The following CTNNA2 variants were observed in gnomAD, a reference collection of about 807,000 sequenced individuals.
The protein encoded by CTNNA2 is catenin alpha 2, also known as catenin alpha-2.
In CTNNA2, 42 loss-of-function variants were observed where a neutral mutation model predicts 101.0. The observed-to-expected ratio is 0.42, with a 90% CI of 0.32 to 0.54. CTNNA2 has a LOEUF of 0.54. Among genes scored for constraint, CTNNA2 ranks in the 20% least tolerant of loss-of-function variants. CTNNA2 has a pLI of 0.14. For synonymous variants in CTNNA2, 450 were observed against 456.4 expected, an observed-to-expected ratio of 0.99 and a Z score of 0.18; for missense variants, 871 against 1,223.1, an observed-to-expected ratio of 0.71 and a Z score of 4.29.
At chr2:79,840,746 A>T (rs1679731474) in intron 3 of CTNNA2, among the ~76,000 whole-genome samples, 1 of 143,496 alleles carries the variant, frequency 7.0e-6, no homozygotes, top group Non-Finnish European at 1.5e-5. Flanking sequence ...CAGCCCAGGC[A>T]GGACAGCGAG....
chr2:79,590,973 G>A (rs1359002025), intron 1 of CTNNA2, among the ~76,000 whole-genome samples: 1 of 152,160 alleles, frequency 6.6e-6, no homozygotes, highest in African/African-American at 2.4e-5. Flanking sequence ...GAATGGCAGT[G>A]AGGTGTTGTT....
intron 7 of CTNNA2, among the ~76,000 whole-genome samples, chr2:80,314,849 C>T (rs183917550): frequency 6.6e-6 from 1 of 152,332 alleles, no homozygotes; most frequent in African/African-American, 2.4e-5. Context: ...TCATGTCCTT[C>T]AGAGGCAAAT....
intron 7 of CTNNA2, among the ~76,000 whole-genome samples, chr2:80,192,522 T>TC (rs1181944833): frequency 1.3e-5 from 2 of 152,154 alleles, no homozygotes; most frequent in African/African-American, 4.8e-5. Context: ...GTAAAACTTT[T>TC]CTTTTTTTTT....
chr2:80,374,897 C>A (rs956993202), intron 7 of CTNNA2, among the ~76,000 whole-genome samples: 2 of 152,066 alleles, frequency 1.3e-5, no homozygotes, highest in Non-Finnish European at 2.9e-5. Flanking sequence ...AGACACAGTT[C>A]AGCCCACATC....
At chr2:80,466,809 T>G (rs1037009) in intron 9 of CTNNA2, among the ~76,000 whole-genome samples, 9 of 152,020 alleles carry the variant, frequency 5.9e-5, no homozygotes, top group Non-Finnish European at 1.0e-4. Context: ...GATTATAAAT[T>G]TGGGGTTCCC....
At chr2:79,572,704 A>T (rs973888241) in intron 1 of CTNNA2, among the ~76,000 whole-genome samples, 7 of 152,198 alleles carry the variant, frequency 4.6e-5, no homozygotes, top group Admixed American at 6.5e-5. Flanking sequence ...GTGAACCAAG[A>T]TCACGCTGCT....
chr2:79,441,485 G>A (rs1197999013), intron 4 of CTNNA2, among the ~76,000 whole-genome samples: 4 of 152,096 alleles, frequency 2.6e-5, no homozygotes, highest in Non-Finnish European at 5.9e-5. Context: ...AGGGACTGAA[G>A]CATGACACCT....
intron 2 of CTNNA2, among the ~76,000 whole-genome samples, chr2:79,302,821 G>A (rs1016186777): frequency 6.6e-6 from 1 of 152,124 alleles, no homozygotes; most frequent in African/African-American, 2.4e-5. Flanking sequence ...GCCAACATTT[G>A]TTGAACTCTA....
intron 3 of CTNNA2, among the ~76,000 whole-genome samples, chr2:79,793,986 AG>A (rs1287455782): frequency 6.6e-6 from 1 of 151,378 alleles, no homozygotes; most frequent in Non-Finnish European, 1.5e-5. Flanking sequence ...GTGGGAGGAA[AG>A]GGTGGGAAGG....
chr2:79,623,864 A>G (rs1481767969), intron 1 of CTNNA2, among the ~76,000 whole-genome samples: 1 of 152,226 alleles, frequency 6.6e-6, no homozygotes, highest in African/African-American at 2.4e-5. Flanking sequence ...TTCAAATATT[A>G]TAGTAAAATT....
intron 4 of CTNNA2, among the ~76,000 whole-genome samples, chr2:79,863,234 C>T (rs1447635618): frequency 6.6e-6 from 1 of 152,130 alleles, no homozygotes; most frequent in Non-Finnish European, 1.5e-5. Context: ...AGATGGATAA[C>T]AGAATATGCT....
intron 12 of CTNNA2, among the ~76,000 whole-genome samples, chr2:80,565,532 T>C (rs929125846): frequency 2.6e-5 from 4 of 151,946 alleles, no homozygotes; most frequent in Non-Finnish European, 4.4e-5. Flanking sequence ...TTTTTTTTTT[T>C]CCATGGTGAA....
At chr2:79,953,120 G>A (rs2974134) in intron 7 of CTNNA2, among the ~76,000 whole-genome samples, 32,289 of 151,958 alleles carry the variant, frequency 0.21, 3,682 homozygotes, top group Middle Eastern at 0.36. Flanking sequence ...TTCTGCTGAC[G>A]TTCAATTCTC....
intron 3 of CTNNA2, among the ~76,000 whole-genome samples, chr2:79,321,161 T>C (rs1301347226): frequency 6.6e-6 from 1 of 152,182 alleles, no homozygotes. Flanking sequence ...TCACACCAAC[T>C]TTTTGAGTTA....
At chr2:80,188,720 C>T (rs1392769213) in intron 7 of CTNNA2, among the ~76,000 whole-genome samples, 1 of 152,094 alleles carries the variant, frequency 6.6e-6, no homozygotes, top group East Asian at 1.9e-4. Context: ...GAAAGGTTCT[C>T]CACTATCAAA....
rs76764279 is a variant in CTNNA2 at position 80,470,834 on chromosome 2, A to G, written c.1290+51233A>G. 5.7e-3 allele frequency among the ~76,000 whole-genome samples: 870 copies of G among 152,326 alleles called. 8 individuals are homozygous for G. Among genetic ancestry groups the G allele is most frequent in the African/African-American group, 0.02 (826 of 41,570 alleles). On this transcript the variant is annotated intron_variant, in intron 9 of 18. Transcript: ENST00000402739. ...AGTGATAAAGTCATGCACCTAAGCA[A>G]CTGTGTCTGGAGACAGATAAAAAAG...
In CTNNA2 at chr2:80,613,174, A is replaced by G. The variant is rs372154021; in HGVS notation, c.2430+4856A>G. Among the ~76,000 whole-genome samples, 16 of 151,594 alleles carry G rather than the reference A, an allele frequency of 1.1e-4. 1 individual carries two copies. The East Asian group carries it at 2.3e-3, about 22-fold the overall frequency. The stretch of plus-strand genomic sequence containing the variant: ...TGATTCCATATTTTCCCCAAAATCC[A>G]TTCCCCAATCTGTTGATAGTGAAAC... On this transcript the variant is annotated intron_variant, in intron 17 of 18. Coordinates refer to ENST00000402739, the MANE Select transcript of CTNNA2 (RefSeq NM_001282597.3).
chr2:80,610,528 T>G (rs554245743), intron 17 of CTNNA2, among the ~76,000 whole-genome samples: 62 of 151,784 alleles, frequency 4.1e-4, no homozygotes, highest in Non-Finnish European at 8.9e-5. Flanking sequence ...TTCCCTGTGT[T>G]TATACACATG....
At chr2:80,524,952 C>A (rs935619824) in intron 9 of CTNNA2, among the ~76,000 whole-genome samples, 1 of 152,058 alleles carries the variant, frequency 6.6e-6, no homozygotes, top group Non-Finnish European at 1.5e-5. Flanking sequence ...TTTTTATTTA[C>A]ATAGGTTTTT....
Sources: gnomAD v4.1 joint callset for allele counts (sites outside exome capture counted in the v4.1 genomes callset) on GRCh38, gnomAD v4.1.1 for gene constraint, MANE v1.5 for transcripts, NCBI Gene and HGNC (gene_info 2026-07-23, HGNC 2026-07-21) for gene names.